Variants in CDH6 observed in about 807,000 individuals in gnomAD.
The protein encoded by CDH6 is cadherin-6.
CDH6 carries 31 observed loss-of-function variants against 78.0 expected under a neutral mutation model. The observed-to-expected ratio is 0.40, with a 90% CI of 0.30 to 0.54. The LOEUF is 0.54. Among genes scored for constraint, CDH6 ranks in the 20% least tolerant of loss-of-function variants. The pLI, the probability that CDH6 is intolerant of heterozygous loss-of-function variation, is 0.56. For synonymous variants in CDH6, 376 were observed against 368.8 expected, an observed-to-expected ratio of 1.02 and a Z score of -0.23; for missense variants, 724 against 975.9, an observed-to-expected ratio of 0.74 and a Z score of 3.44.
At chr5:31,304,683 CAAAAAAAAA>C (rs11398035) in intron 6 of CDH6, among the ~76,000 whole-genome samples, 1 of 67,926 alleles carries the variant, frequency 1.5e-5, no homozygotes, top group Non-Finnish European at 2.6e-5. Flanking sequence ...GACTCCGTCT[CAAAAAAAAA>C]AAAAAAAAAA....
At chr5:31,284,545 C>T (rs1742963007) in intron 2 of CDH6, among the ~76,000 whole-genome samples, 1 of 152,174 alleles carries the variant, frequency 6.6e-6, no homozygotes. Flanking sequence ...TCCTGGGCTT[C>T]TCCAGAACAA....
chr5:31,243,649 C>A (rs1426016814), intron 1 of CDH6, among the ~76,000 whole-genome samples: 3 of 152,162 alleles, frequency 2.0e-5, no homozygotes, highest in Non-Finnish European at 4.4e-5. Context: ...CTGAGAACAA[C>A]TTCTCTCCTG....
rs1297532591 is a variant in CDH6 at position 31,326,496 on chromosome 5, A to T, written c.*3188A>T. 1 of 195,676 alleles carries T rather than the reference A, an allele frequency of 5.1e-6. No individual in the cohort carries two copies. The highest frequency in any genetic ancestry group is 6.1e-5 in the Admixed American group (1 of 16,450). The allele number at this position is 195,676 out of a possible 1,614,324, so 12.1% of individuals were successfully genotyped here. On this transcript the variant is annotated 3_prime_UTR_variant, in exon 12 of 12. Coordinates refer to ENST00000265071, the MANE Select transcript of CDH6 (RefSeq NM_004932.4). ...ACAAGAGAGGGAATGTGGGCACAGT[A>T]AATAGATGTTTCTTTCAGAACTTTC...
intron 1 of CDH6, among the ~76,000 whole-genome samples, 156 bp downstream of exon 1, chr5:31,194,042 G>C (rs1426983740): frequency 6.6e-6 from 1 of 152,050 alleles, no homozygotes; most frequent in Non-Finnish European, 1.5e-5. Flanking sequence ...GCCCGGGTCG[G>C]GGCGGGCGCG....
At chr5:31,291,185 G>GC (rs1237191313) in intron 2 of CDH6, among the ~76,000 whole-genome samples, 1 of 152,032 alleles carries the variant, frequency 6.6e-6, no homozygotes, top group Admixed American at 6.6e-5. Flanking sequence ...GATAGCAATT[G>GC]CCCCCCGCCG....
At chr5:31,254,515 G>A (rs1193008594) in intron 1 of CDH6, among the ~76,000 whole-genome samples, 1 of 152,138 alleles carries the variant, frequency 6.6e-6, no homozygotes, top group Non-Finnish European at 1.5e-5. Flanking sequence ...AGATGGAAAA[G>A]GCATTACATT....
In CDH6 at chr5:31,326,682, T is replaced by A. The variant is rs1034622981; in HGVS notation, c.*3374T>A. Reference sequence around the variant, plus strand: ...AAGAGTTGTGCAGAAAATCTTAAAATTTTTTTTTTTTTTTTTTTTTTTTTT... The same window carrying A: ...AAGAGTTGTGCAGAAAATCTTAAAAATTTTTTTTTTTTTTTTTTTTTTTTT... On this transcript the variant is annotated 3_prime_UTR_variant, in exon 12 of 12. Coordinates refer to ENST00000265071, the MANE Select transcript of CDH6 (RefSeq NM_004932.4). 24 of 91,718 alleles carry A rather than the reference T, an allele frequency of 2.6e-4. No individual in the cohort carries two copies. In the East Asian group the frequency reaches 3.7e-3, roughly 14 times the overall value. 5.7% of individuals were successfully genotyped at this position (91,718 alleles called of 1,614,324 possible). A position where few individuals can be genotyped will look rare whatever the true frequency, so the allele number is the denominator to read the frequency against.
chr5:31,308,118 T>C (rs367882273), intron 7 of CDH6, among the ~76,000 whole-genome samples: 1 of 152,148 alleles, frequency 6.6e-6, no homozygotes, highest in Non-Finnish European at 1.5e-5. Flanking sequence ...AAGACATAAA[T>C]GTTGAACAAC....
intron 7 of CDH6, among the ~76,000 whole-genome samples, chr5:31,306,280 A>G (rs1211481382): frequency 2.0e-5 from 3 of 152,212 alleles, no homozygotes; most frequent in Non-Finnish European, 4.4e-5. Flanking sequence ...AATTAATACA[A>G]CAGAGTCCAA....
chr5:31,292,804 CAT>C (rs1365766997), intron 2 of CDH6, among the ~76,000 whole-genome samples: 237 of 125,320 alleles, frequency 1.9e-3, no homozygotes, highest in African/African-American at 6.3e-3. Flanking sequence ...TATGTGTGTG[CAT>C]ATATATATAT....
intron 1 of CDH6, among the ~76,000 whole-genome samples, chr5:31,241,941 TAA>T (rs1400926321): frequency 6.6e-6 from 1 of 152,168 alleles, no homozygotes; most frequent in Non-Finnish European, 1.5e-5. Flanking sequence ...ATGGCAGTAA[TAA>T]GTGTCATTCA....
At chr5:31,288,677 C>G (rs1403699060) in intron 2 of CDH6, among the ~76,000 whole-genome samples, 4 of 152,224 alleles carry the variant, frequency 2.6e-5, no homozygotes, top group Non-Finnish European at 5.9e-5. Flanking sequence ...AAGATGTTCT[C>G]TCTCTCTGCT....
At chr5:31,285,842 G>A (rs1035433671) in intron 2 of CDH6, among the ~76,000 whole-genome samples, 1 of 152,178 alleles carries the variant, frequency 6.6e-6, no homozygotes, top group Non-Finnish European at 1.5e-5. Context: ...TTACTATTGT[G>A]TTGAAGTTGA....
In CDH6 at chr5:31,317,912, G is replaced by A. The variant is rs754359810; in HGVS notation, c.1870G>A (p.Val624Met). Residue 624 changes from valine to methionine, a missense_variant, in exon 11 of 12, where the codon GTG (valine) becomes ATG (methionine). Around this residue, in one of 3 missense-constraint regions of CDH6, gnomAD observed 220 missense variants for 240.6 expected, o/e 0.91. Coordinates refer to ENST00000265071, the MANE Select transcript of CDH6 (RefSeq NM_004932.4). ...GALVAILLCI[V>M]ILLVTVVLFA... ...TCTGGTTGCCATCCTTCTGTGCATC[G>A]TGATCCTACTAGGTAAACTGGTTCT... is the stretch of plus-strand genomic sequence containing the variant. The A allele has an allele frequency of 1.9e-6, 3 of 1,613,164 alleles. No individual in the cohort carries two copies. The highest frequency in any genetic ancestry group is 2.5e-6 in the Non-Finnish European group (3 of 1,180,016).
chr5:31,283,773 G>A (rs1005090548), intron 2 of CDH6, among the ~76,000 whole-genome samples: 2 of 152,022 alleles, frequency 1.3e-5, no homozygotes, highest in Non-Finnish European at 2.9e-5. Context: ...AAGGCAGCCT[G>A]ATCCCAGGTT....
Position 31,322,916 on chromosome 5 carries a change from G to C in CDH6, c.1981G>C (p.Asp661His), listed in dbSNP as rs763159274. 8 of 1,614,014 alleles carry C rather than the reference G, an allele frequency of 5.0e-6. No homozygotes were observed. Among genetic ancestry groups the C allele is most frequent in the Non-Finnish European group, 5.9e-6 (7 of 1,180,022 alleles). The change falls in exon 12 of 12, where the codon GAC (aspartate) becomes CAC (histidine). Residue 661 changes from aspartate to histidine, a missense_variant. Around this residue, in one of 3 missense-constraint regions of CDH6, gnomAD observed 220 missense variants for 240.6 expected, o/e 0.91. Transcript: ENST00000265071. Reference sequence around the variant, plus strand: ...CAGAGATAACATTGTCAGTTACAACGACGAAGGTGGTGGAGAGGAGGACAC... The same window carrying C: ...CAGAGATAACATTGTCAGTTACAACCACGAAGGTGGTGGAGAGGAGGACAC... ...DIRDNIVSYN[D>H]EGGGEEDTQA... is the part of the protein sequence containing the mutation.
At chr5:31,303,319 T>G (rs1737886570) in intron 6 of CDH6, among the ~76,000 whole-genome samples, 1 of 152,182 alleles carries the variant, frequency 6.6e-6, no homozygotes, top group South Asian at 2.1e-4. Context: ...CAAATTGTGA[T>G]GCATACTGTG....
intron 1 of CDH6, among the ~76,000 whole-genome samples, chr5:31,198,793 A>G (rs993272673): frequency 1.3e-5 from 2 of 152,168 alleles, no homozygotes; most frequent in African/African-American, 4.8e-5. Context: ...GTTAAATGCC[A>G]CCTTATAAAC....
rs202082546 is a variant in CDH6, at chr5:31,326,681, A to ATT, written c.*3400_*3401dup. On this transcript the variant is annotated 3_prime_UTR_variant, in exon 12 of 12. Coordinates refer to ENST00000265071, the MANE Select transcript of CDH6 (RefSeq NM_004932.4). ...AAAGAGTTGTGCAGAAAATCTTAAA[A>ATT]TTTTTTTTTTTTTTTTTTTTTTTTT... 3,993 of 122,750 alleles carry ATT rather than the reference A, an allele frequency of 0.033. 327 individuals are homozygous for ATT. The highest frequency in any genetic ancestry group is 0.038 in the Non-Finnish European group (2,320 of 61,144). 7.6% of individuals were successfully genotyped at this position (122,750 alleles called of 1,614,324 possible).
Sources: allele counts gnomAD v4.1 joint callset (sites outside exome capture counted in the v4.1 genomes callset), GRCh38; gene constraint gnomAD v4.1.1; regional missense constraint gnomAD v4.1.1; transcripts MANE v1.5; gene names NCBI Gene and HGNC (gene_info 2026-07-23, HGNC 2026-07-21).